NOL4: variants seen among roughly 807,000 people sequenced by gnomAD.
NOL4 encodes the protein nucleolar protein 4.
Under a neutral mutation model 75.9 loss-of-function variants are expected in NOL4, and 17 were observed. The ratio of observed to expected loss-of-function variants is 0.22; its 90% CI spans 0.15 to 0.34. NOL4 has a LOEUF of 0.34. Ranked by LOEUF, NOL4 falls within the 10% of genes least tolerant of loss-of-function variation. The probability of loss-of-function intolerance (pLI) is 1.00; values close to 1 mark genes in which losing one functional copy is unlikely to be tolerated. For missense variants in NOL4, 614 were observed against 793.5 expected, an observed-to-expected ratio of 0.77 and a Z score of 2.72; for synonymous variants, 292 against 289.9, an observed-to-expected ratio of 1.01 and a Z score of -0.07.
intron 4 of NOL4, among the ~76,000 whole-genome samples, chr18:34,096,697 A>T (rs1300299205): frequency 6.6e-6 from 1 of 152,170 alleles, no homozygotes; most frequent in African/African-American, 2.4e-5. Context: ...CATGACTAAA[A>T]TCTCATGATA....
At chr18:33,923,005 T>G (rs2067128633) in intron 9 of NOL4, among the ~76,000 whole-genome samples, 1 of 152,132 alleles carries the variant, frequency 6.6e-6, no homozygotes, top group Non-Finnish European at 1.5e-5. Flanking sequence ...GCTTTAGGCA[T>G]AAAAGCCATA....
At chr18:33,983,925 T>C (rs1283967263) in intron 6 of NOL4, among the ~76,000 whole-genome samples, 2 of 152,050 alleles carry the variant, frequency 1.3e-5, no homozygotes, top group African/African-American at 4.8e-5. Context: ...GAAAAAATAG[T>C]AAAAATCTAA....
chr18:33,862,325 A>C (rs1338264351), intron 10 of NOL4, among the ~76,000 whole-genome samples: 2 of 152,194 alleles, frequency 1.3e-5, no homozygotes, highest in African/African-American at 4.8e-5. Flanking sequence ...CCCTAGAAGA[A>C]AACACAGGCA....
intron 5 of NOL4, among the ~76,000 whole-genome samples, chr18:34,033,755 G>T (rs563905699): frequency 2.2e-4 from 33 of 152,158 alleles, no homozygotes; most frequent in African/African-American, 7.7e-4. Context: ...AGTCAAACCA[G>T]CTTAAGTCAA....
At chr18:34,117,595 C>A (rs2079919733) in intron 2 of NOL4, among the ~76,000 whole-genome samples, 1 of 152,098 alleles carries the variant, frequency 6.6e-6, no homozygotes. Context: ...TATGGAGTAA[C>A]AACACAGAGC....
intron 2 of NOL4, among the ~76,000 whole-genome samples, chr18:34,109,584 T>A (rs9807175): frequency 6.6e-6 from 1 of 151,544 alleles, no homozygotes; most frequent in Admixed American, 6.6e-5. Context: ...AGATCTCAAA[T>A]AACCTAGCTT....
intron 1 of NOL4, among the ~76,000 whole-genome samples, chr18:34,130,674 C>A (rs1293409448): frequency 6.6e-6 from 1 of 151,884 alleles, no homozygotes; most frequent in Non-Finnish European, 1.5e-5. Flanking sequence ...AATAAAGAGC[C>A]CACTACACAA....
At chr18:33,889,441 G>C (rs568215841) in intron 9 of NOL4, among the ~76,000 whole-genome samples, 1 of 150,806 alleles carries the variant, frequency 6.6e-6, no homozygotes, top group Non-Finnish European at 1.5e-5. Flanking sequence ...GATTCTGGTA[G>C]GAATTCTACC....
chr18:34,074,982 A>AGAAT (rs2145313123), intron 5 of NOL4, among the ~76,000 whole-genome samples: 3 of 152,310 alleles, frequency 2.0e-5, no homozygotes, highest in African/African-American at 7.2e-5. Flanking sequence ...TAAGTACTTA[A>AGAAT]TAATTAAGAA....
chr18:33,967,002 A>G (rs961177819), intron 6 of NOL4, among the ~76,000 whole-genome samples: 2 of 152,224 alleles, frequency 1.3e-5, no homozygotes, highest in Non-Finnish European at 2.9e-5. Context: ...ATAGAATTTT[A>G]AAAAGCTCAA....
At chr18:34,175,007 T>C (rs2033411510) in intron 1 of NOL4, among the ~76,000 whole-genome samples, 1 of 152,164 alleles carries the variant, frequency 6.6e-6, no homozygotes, top group Admixed American at 6.6e-5. Flanking sequence ...GAACTAGAAA[T>C]ACCATTTGAC....
chr18:34,058,828 T>C (rs747637172), intron 5 of NOL4, among the ~76,000 whole-genome samples: 5 of 152,070 alleles, frequency 3.3e-5, no homozygotes, highest in South Asian at 2.1e-4. Flanking sequence ...AAAAGGAAAC[T>C]AAAACAAGTT....
intron 2 of NOL4, among the ~76,000 whole-genome samples, chr18:34,118,994 A>G (rs1371227889): frequency 1.3e-5 from 2 of 152,200 alleles, no homozygotes; most frequent in Non-Finnish European, 2.9e-5. Context: ...ATGGTTCTAC[A>G]GCATTAATGT....
chr18:33,953,747 C>T (rs1244632466), intron 8 of NOL4, among the ~76,000 whole-genome samples: 3 of 152,214 alleles, frequency 2.0e-5, no homozygotes, highest in South Asian at 2.1e-4. Context: ...GCCCTAGTGT[C>T]CGACTGACAT....
intron 8 of NOL4, among the ~76,000 whole-genome samples, chr18:33,949,916 C>G (rs2069095307): frequency 6.6e-6 from 1 of 151,902 alleles, no homozygotes; most frequent in Admixed American, 6.6e-5. Context: ...GACACAGGAT[C>G]AACTAAATTA....
chr18:33,915,965 CAAAGTCACAT>C (rs753027600), intron 9 of NOL4, among the ~76,000 whole-genome samples: 70 of 152,054 alleles, frequency 4.6e-4, no homozygotes, highest in Admixed American at 9.2e-4. Context: ...AAGGAGGAAT[CAAAGTCACAT>C]GGATTGAGTT....
intron 6 of NOL4, among the ~76,000 whole-genome samples, chr18:33,974,868 C>A (rs1033950859): frequency 6.6e-6 from 1 of 152,144 alleles, no homozygotes; most frequent in Non-Finnish European, 1.5e-5. Flanking sequence ...TTTGCATACC[C>A]ATATCCATGG....
intron 6 of NOL4, among the ~76,000 whole-genome samples, chr18:33,975,624 A>T (rs773484456): frequency 8.5e-5 from 13 of 152,120 alleles, no homozygotes; most frequent in African/African-American, 1.7e-4. Context: ...AATACAAAAA[A>T]ATTAGCCAGG....
chr18:33,961,313 T>C (rs1043398115), intron 6 of NOL4, among the ~76,000 whole-genome samples: 1 of 151,872 alleles, frequency 6.6e-6, no homozygotes, highest in Non-Finnish European at 1.5e-5. Flanking sequence ...ACAGTGTGTG[T>C]GTAGGGTGGG....
Sources: gnomAD v4.1 joint callset for allele counts (sites outside exome capture counted in the v4.1 genomes callset) on GRCh38, gnomAD v4.1.1 for gene constraint, MANE v1.5 for transcripts, NCBI Gene and HGNC (gene_info 2026-07-23, HGNC 2026-07-21) for gene names.